BTBD8: variants seen among roughly 807,000 people sequenced by gnomAD.
BTBD8 encodes the protein BTB/POZ domain-containing protein 8.
In BTBD8, 110 loss-of-function variants were observed where a neutral mutation model predicts 162.9. The ratio of observed to expected loss-of-function variants is 0.68; its 90% confidence interval spans 0.58 to 0.79. The LOEUF is 0.79. Among genes scored for constraint, BTBD8 ranks in the 30% least tolerant of loss-of-function variants. The pLI is 0.00. For missense variants in BTBD8, 1,905 were observed against 2,085.4 expected (o/e 0.91, Z 1.68); for synonymous variants, 667 against 716.1 (o/e 0.93, Z 1.10).
At chr1:92,086,028 C>A (rs553000725) in intron 1 of BTBD8, among the ~76,000 whole-genome samples, 2 of 152,168 alleles carry the variant, frequency 1.3e-5, no homozygotes, top group Non-Finnish European at 2.9e-5. Flanking sequence ...GTGTATCAAG[C>A]GCATGATCTA....
chr1:92,181,802 G>A lies in BTBD8; in HGVS notation c.4119G>A (p.Gln1373=). The A allele has an allele frequency of 6.4e-7, 1 of 1,551,218 alleles. No homozygotes were observed. The highest frequency in any genetic ancestry group is 1.2e-5 in the South Asian group (1 of 84,050). ...NIPRGSVQFA[Q]EIDQVSSSAD... is the part of the protein sequence containing the mutation. Reference sequence around the variant, plus strand: ...CACGAGGCAGTGTCCAGTTTGCTCAGGAAATAGATCAGGTATCTTCTTCAG... The same window carrying A: ...CACGAGGCAGTGTCCAGTTTGCTCAAGAAATAGATCAGGTATCTTCTTCAG... The change falls in exon 17 of 18, where the codon CAG becomes CAA. Residue 1373 remains glutamine, a synonymous_variant. Transcript: ENST00000636805.
chr1:92,130,346 G>T (rs2101929846), intron 5 of BTBD8, among the ~76,000 whole-genome samples: 1 of 152,082 alleles, frequency 6.6e-6, no homozygotes, highest in East Asian at 1.9e-4. Flanking sequence ...TTCATAACAG[G>T]TAGTTTTTAA....
chr1:92,137,134 A>G (rs1296192363), intron 5 of BTBD8, among the ~76,000 whole-genome samples: 2 of 152,168 alleles, frequency 1.3e-5, no homozygotes, highest in African/African-American at 4.8e-5. Flanking sequence ...GTTATCTTGG[A>G]ACAGCTGCTA....
In BTBD8 at chr1:92,126,524, C is replaced by T. The variant is rs145468447; in HGVS notation, c.663-3163C>T. ...CTCAATCCTCTTCACTCATGCAGAC[C>T]GCTTTATTTTCGCTATTTGCAGTGC... On this transcript the variant is annotated intron_variant, in intron 4 of 17. Transcript: ENST00000636805. 1.4e-4 allele frequency: 79 copies of T among 564,610 alleles called. 1 individual carries two copies. The highest frequency in any genetic ancestry group is 9.7e-4 in the East Asian group (21 of 21,722). 35.0% of individuals were successfully genotyped at this position (564,610 alleles called of 1,614,324 possible).
In BTBD8 at chr1:92,181,338, G is replaced by C. The variant is rs1009365301; in HGVS notation, c.3655G>C (p.Glu1219Gln). Residue 1219 changes from glutamate to glutamine, a missense_variant, in exon 17 of 18, where the codon GAA (glutamate) becomes CAA (glutamine). Around this residue, in one of 3 missense-constraint regions of BTBD8, gnomAD observed 1,374 missense variants for 1,442.7 expected, o/e 0.95. Coordinates refer to ENST00000636805, the MANE Select transcript of BTBD8 (RefSeq NM_001376131.1). ...TTCTCCTAAAAATATGGAAACATCA[G>C]AATCTCCAGAGAGCCATGAAACTCC... ...KNSPKNMETS[E>Q]SPESHETPET... The C allele has an allele frequency of 1.1e-5, 17 of 1,551,582 alleles. No homozygotes were observed. The African/African-American group carries it at 1.6e-4, about 15-fold the overall frequency.
intron 2 of BTBD8, among the ~76,000 whole-genome samples, chr1:92,089,377 C>T (rs1045468898): frequency 1.3e-5 from 2 of 152,100 alleles, no homozygotes; most frequent in African/African-American, 4.8e-5. Flanking sequence ...ACCGTTGCTA[C>T]GTACTCACTC....
At chr1:92,081,854 G>C (rs1256357399) in intron 1 of BTBD8, among the ~76,000 whole-genome samples, 7 of 152,196 alleles carry the variant, frequency 4.6e-5, no homozygotes, top group Admixed American at 4.6e-4. Flanking sequence ...GATTACAGGC[G>C]TGAGCCACTG....
At chr1:92,093,914 T>A (rs1375987787) in intron 2 of BTBD8, among the ~76,000 whole-genome samples, 1 of 152,244 alleles carries the variant, frequency 6.6e-6, no homozygotes, top group African/African-American at 2.4e-5. Flanking sequence ...ATAGATCAAA[T>A]TTTTATACAT....
At chr1:92,151,946 C>T (rs1453681121) in intron 9 of BTBD8, among the ~76,000 whole-genome samples, 2 of 152,022 alleles carry the variant, frequency 1.3e-5, no homozygotes. Flanking sequence ...CACTCAGTAC[C>T]AATATTTAGT....
intron 14 of BTBD8, 66 bp downstream of exon 14, chr1:92,177,612 C>G (rs773007819): frequency 9.0e-5 from 101 of 1,128,028 alleles, no homozygotes; most frequent in Non-Finnish European, 1.2e-4. Context: ...AAACAAAAAC[C>G]TAAACCTGTA....
chr1:92,119,166 T>C (rs773136504), intron 4 of BTBD8, among the ~76,000 whole-genome samples: 2 of 151,944 alleles, frequency 1.3e-5, no homozygotes, highest in Admixed American at 6.5e-5. Flanking sequence ...ATAATTAACC[T>C]TGGCTTATTG....
chr1:92,099,115 T>C (rs1648523526), intron 2 of BTBD8, among the ~76,000 whole-genome samples: 1 of 152,208 alleles, frequency 6.6e-6, no homozygotes, highest in Non-Finnish European at 1.5e-5. Context: ...TGCATTTGGA[T>C]GTTCACTTGT....
At chr1:92,091,758 A>C (rs1648309457) in intron 2 of BTBD8, among the ~76,000 whole-genome samples, 2 of 152,042 alleles carry the variant, frequency 1.3e-5, no homozygotes, top group Non-Finnish European at 2.9e-5. Flanking sequence ...TTTTCTAAGA[A>C]TTTAATGTTT....
chr1:92,177,958 A>G (rs1200762156), intron 15 of BTBD8, 60 bp downstream of exon 15: 2 of 734,664 alleles, frequency 2.7e-6, no homozygotes, highest in African/African-American at 3.6e-5. Context: ...TTAATTATAT[A>G]CTAACTGCTA....
At chr1:92,146,618 C>T (rs1271751895) in intron 7 of BTBD8, among the ~76,000 whole-genome samples, 1 of 152,174 alleles carries the variant, frequency 6.6e-6, no homozygotes, top group African/African-American at 2.4e-5. Flanking sequence ...TCATCTTTCC[C>T]TCCCCATTAA....
chr1:92,107,110 T>C (rs1648754452), intron 3 of BTBD8, among the ~76,000 whole-genome samples: 1 of 151,910 alleles, frequency 6.6e-6, no homozygotes, highest in East Asian at 1.9e-4. Context: ...TTTTAGATAA[T>C]CCAATATTGT....
At chr1:92,157,513 T>G (rs910791286) in intron 9 of BTBD8, among the ~76,000 whole-genome samples, 3 of 152,170 alleles carry the variant, frequency 2.0e-5, no homozygotes, top group Admixed American at 2.0e-4. Flanking sequence ...TATTTATTTA[T>G]TTAGTTAACA....
chr1:92,133,906 C>T (rs1649570010), intron 5 of BTBD8, among the ~76,000 whole-genome samples: 1 of 151,362 alleles, frequency 6.6e-6, no homozygotes, highest in Non-Finnish European at 1.5e-5. Context: ...GGAGGCGGAG[C>T]TTGCAGCGAG....
chr1:92,168,272 C>T (rs1255009541), intron 11 of BTBD8, among the ~76,000 whole-genome samples: 2 of 152,030 alleles, frequency 1.3e-5, no homozygotes, highest in East Asian at 3.8e-4. Flanking sequence ...CACAGCATAA[C>T]TCTCGTATTT....
Sources: gnomAD v4.1 joint callset for allele counts (sites outside exome capture counted in the v4.1 genomes callset) on GRCh38, gnomAD v4.1.1 for gene constraint, gnomAD v4.1.1 regional missense constraint, MANE v1.5 for transcripts, NCBI Gene and HGNC (gene_info 2026-07-23, HGNC 2026-07-21) for gene names.